Variants in ABCC9 observed in about 807,000 individuals in gnomAD.
ABCC9 encodes ATP-binding cassette sub-family C member 9.
ABCC9 carries 95 observed loss-of-function variants against 188.3 expected under a neutral mutation model. The ratio of observed to expected loss-of-function variants is 0.50; its 90% confidence interval spans 0.43 to 0.60. The LOEUF (loss-of-function observed/expected upper bound fraction) is 0.60, where lower values mean the gene tolerates loss of function less well. Ranked by LOEUF, ABCC9 falls within the 20% of genes least tolerant of loss-of-function variation. The pLI is 0.00. For synonymous variants in ABCC9, 659 were observed against 652.7 expected (o/e 1.01, Z -0.15); for missense variants, 1,102 against 1,876.3 (o/e 0.59, Z 7.62).
rs556769480 is a variant in ABCC9, at chr12:21,798,326, T to G, written c.*2718A>C. 1 of 151,824 alleles carries G rather than the reference T, an allele frequency of 6.6e-6. No individual in the cohort carries two copies. Among genetic ancestry groups the G allele is most frequent in the East Asian group, 1.9e-4 (1 of 5,178 alleles). The allele number at this position is 151,824 out of a possible 1,614,324, so 9.4% of individuals were successfully genotyped here. ...TCTCCACATCCTCTCCAGCACCTGT[T>G]GTTTCCTGACTTTTTAATGATTGCC... is the stretch of plus-strand genomic sequence containing the variant. On this transcript the variant is annotated 3_prime_UTR_variant, in exon 40 of 40. Transcript: ENST00000261200.
In ABCC9 at chr12:21,842,511, T is replaced by G. The variant is rs758036394; in HGVS notation, c.3316-40A>C. The G allele has an allele frequency of 1.2e-5, 19 of 1,598,712 alleles. No individual in the cohort carries two copies. The Admixed American group carries it at 3.2e-4, about 27-fold the overall frequency. On this transcript the variant is annotated intron_variant, in intron 28 of 39. Coordinates refer to ENST00000261200, the MANE Select transcript of ABCC9 (RefSeq NM_020297.4). ...TAAAAGGAAAATATGATTAGCCCAG[T>G]GAAATATTGGCTGCAATGTAACAAA...
intron 15 of ABCC9, among the ~76,000 whole-genome samples, 181 bp downstream of exon 15, chr12:21,887,645 C>A (rs1269488885): frequency 1.3e-5 from 2 of 152,052 alleles, no homozygotes; most frequent in Admixed American, 1.3e-4. Context: ...TAAAGACAAG[C>A]CTTATACATT....
intron 1 of ABCC9, 84 bp from the exon 2 acceptor site, chr12:21,940,909 G>A (rs564273808): frequency 2.5e-4 from 38 of 152,272 alleles, no homozygotes; most frequent in African/African-American, 8.7e-4. Context: ...AAGAAAGGCG[G>A]TAATAATAAC....
rs759739081 is a variant in ABCC9 at position 21,809,837 on chromosome 12, AT to A, written c.4315+14del. On this transcript the variant is annotated intron_variant, in intron 37 of 39. Coordinates refer to ENST00000261200, the MANE Select transcript of ABCC9 (RefSeq NM_020297.4). Reference sequence around the variant, plus strand: ...GGCATATATAAAAAATAAATATGCTATTTAGGAAATATACCTAGACCTCCAG... The same window carrying A: ...GGCATATATAAAAAATAAATATGCTATTAGGAAATATACCTAGACCTCCAG... 6.8e-7 allele frequency: 1 copy of A among 1,475,530 alleles called. No homozygotes were observed. The highest frequency in any genetic ancestry group is 9.5e-7 in the Non-Finnish European group (1 of 1,056,718). 91.4% of individuals were successfully genotyped at this position (1,475,530 alleles called of 1,614,324 possible). A position where few individuals can be genotyped will look rare whatever the true frequency, so the allele number is the denominator to read the frequency against.
chr12:21,817,238 T>C lies in ABCC9; in HGVS notation c.3841A>G (p.Lys1281Glu). 1.2e-6 allele frequency: 2 copies of C among 1,613,898 alleles called. No individual in the cohort carries two copies. The highest frequency in any genetic ancestry group is 1.7e-6 in the Non-Finnish European group (2 of 1,179,842). ...DLEVQMGAVK[K>E]VNSFLTMESE... ...TCCATAGTCAGGAAACTGTTCACCT[T>C]CTTCACTGCACCCATCTGGACCTCC... The change falls in exon 33 of 40, where the codon AAG becomes GAG. Residue 1281 changes from lysine (K) to glutamate (E), a missense_variant. Lys to Glu is a moderately conservative substitution (Grantham distance 56). Around this residue, in one of 12 missense-constraint regions of ABCC9, gnomAD observed 143 missense variants for 225.6 expected, o/e 0.63. Transcript: ENST00000261200.
rs199804188 is a variant in ABCC9 at position 21,818,478 on chromosome 12, ATATC to A, written c.3670-231_3670-228del. On this transcript the variant is annotated intron_variant, in intron 31 of 39. Transcript: ENST00000261200. Reference sequence around the variant, plus strand: ...ACTATATATATCTATATCTATATCTATATCTATCTATATATATATCTATATATAA... The same window carrying A: ...ACTATATATATCTATATCTATATCTATATCTATATATATATCTATATATAA... Among the ~76,000 whole-genome samples, 4,129 of 146,504 alleles carry A rather than the reference ATATC, an allele frequency of 0.028. 199 individuals carry two copies. Among genetic ancestry groups the A allele is most frequent in the African/African-American group, 0.097 (3,863 of 39,830 alleles).
chr12:21,938,824 T>G (rs1949592033), intron 2 of ABCC9, among the ~76,000 whole-genome samples: 1 of 152,124 alleles, frequency 6.6e-6, no homozygotes, highest in Non-Finnish European at 1.5e-5. Context: ...TTAAATCGCC[T>G]TTGGATAAAT....
intron 20 of ABCC9, among the ~76,000 whole-genome samples, chr12:21,862,219 T>A (rs963362878): frequency 6.6e-6 from 1 of 152,138 alleles, no homozygotes; most frequent in African/African-American, 2.4e-5. Flanking sequence ...TCCATATATA[T>A]GTATATATGC....
chr12:21,865,017 A>G (rs1162436534), intron 18 of ABCC9, among the ~76,000 whole-genome samples: 1 of 152,186 alleles, frequency 6.6e-6, no homozygotes, highest in Non-Finnish European at 1.5e-5. Context: ...TCTAAGTAGA[A>G]TCAATTATTG....
intron 30 of ABCC9, among the ~76,000 whole-genome samples, chr12:21,829,262 C>G (rs375371127): frequency 3.3e-5 from 4 of 120,720 alleles, no homozygotes; most frequent in Admixed American, 2.3e-4. Flanking sequence ...AGTGCAGTGG[C>G]GCGATCTCGG....
intron 11 of ABCC9, 147 bp from the exon 12 acceptor site, chr12:21,906,435 C>G: frequency 2.7e-6 from 2 of 745,396 alleles, no homozygotes. Context: ...CCAGGAGAAG[C>G]AATTAAACCC....
intron 32 of ABCC9, 83 bp from the exon 33 acceptor site, chr12:21,817,390 T>C: frequency 7.3e-7 from 1 of 1,365,296 alleles, no homozygotes; most frequent in Non-Finnish European, 1.0e-6. Context: ...TGGAACGAGA[T>C]AACTTGGACC....
At chr12:21,844,661 G>C (rs1316400215) in intron 27 of ABCC9, 106 bp downstream of exon 27, 1 of 1,558,842 alleles carries the variant, frequency 6.4e-7, no homozygotes, top group Non-Finnish European at 8.8e-7. Flanking sequence ...CTATTCATTT[G>C]CTCAAGGACT....
intron 24 of ABCC9, among the ~76,000 whole-genome samples, chr12:21,849,612 C>A (rs1342459060): frequency 6.6e-6 from 1 of 151,244 alleles, no homozygotes; most frequent in African/African-American, 2.4e-5. Flanking sequence ...AACAAATAAA[C>A]AAACAAAAAA....
At chr12:21,889,550 C>G (rs975919510) in intron 14 of ABCC9, among the ~76,000 whole-genome samples, 11 of 152,178 alleles carry the variant, frequency 7.2e-5, no homozygotes, top group African/African-American at 2.7e-4. Context: ...AATTCCAAAT[C>G]TAGCAATGCC....
chr12:21,897,039 C>A (rs1947464369), intron 12 of ABCC9, among the ~76,000 whole-genome samples: 1 of 152,218 alleles, frequency 6.6e-6, no homozygotes. Flanking sequence ...TTCCCATCAA[C>A]AGTGTAAAAG....
intron 18 of ABCC9, among the ~76,000 whole-genome samples, chr12:21,872,007 A>C (rs1335759767): frequency 6.6e-6 from 1 of 152,198 alleles, no homozygotes; most frequent in Non-Finnish European, 1.5e-5. Context: ...TTATTACCAC[A>C]ATGTGCTTTG....
rs1285800715 is a variant in ABCC9 at position 21,905,988 on chromosome 12, G to T, written c.1618+138C>A. On this transcript the variant is annotated intron_variant, in intron 12 of 39. Coordinates refer to ENST00000261200, the MANE Select transcript of ABCC9 (RefSeq NM_020297.4). Reference sequence around the variant, plus strand: ...TAGCCTCGTGTGGCTGGTGGCTATTGGACAGCACGTGTTTAGAAAATAAAT... The same window carrying T: ...TAGCCTCGTGTGGCTGGTGGCTATTTGACAGCACGTGTTTAGAAAATAAAT... 4 of 953,908 alleles carry T rather than the reference G, an allele frequency of 4.2e-6. No individual in the cohort carries two copies. In the African/African-American group the frequency reaches 4.9e-5, roughly 12 times the overall value. The allele number at this position is 953,908 out of a possible 1,614,324, so 59.1% of individuals were successfully genotyped here.
intron 14 of ABCC9, among the ~76,000 whole-genome samples, chr12:21,889,176 C>T (rs529434128): frequency 4.1e-4 from 63 of 152,102 alleles, no homozygotes; most frequent in African/African-American, 1.3e-3. Context: ...TGATGGAAGA[C>T]GAAAATCCAT....
Sources: allele counts gnomAD v4.1 joint callset (sites outside exome capture counted in the v4.1 genomes callset), GRCh38; gene constraint gnomAD v4.1.1; regional missense constraint gnomAD v4.1.1; transcripts MANE v1.5; gene names NCBI Gene and HGNC (gene_info 2026-07-23, HGNC 2026-07-21).